HEATR4: variants seen among roughly 807,000 people sequenced by gnomAD.
HEATR4 encodes HEAT repeat-containing protein 4.
HEATR4 carries 95 observed loss-of-function variants against 108.8 expected under a neutral mutation model. The ratio of observed to expected loss-of-function variants is 0.87; its 90% CI spans 0.74 to 1.04. HEATR4 has a LOEUF of 1.04. HEATR4 is among the 50% of genes least tolerant of loss of function. The pLI is 0.00. For synonymous variants in HEATR4, 443 were observed against 459.4 expected, an observed-to-expected ratio of 0.96 and a Z score of 0.46; for missense variants, 1,152 against 1,253.8, an observed-to-expected ratio of 0.92 and a Z score of 1.23.
At chr14:73,593,843 T>G in the HEATR4 span, 2 of 1,614,110 alleles carry the variant, frequency 1.2e-6, no homozygotes. Context: ...CCCAATAACA[T>G]GGACAACATA....
intron 9 of HEATR4, among the ~76,000 whole-genome samples, chr14:73,506,804 G>GTTTTT (rs34660727): frequency 0.022 from 1,742 of 80,334 alleles, 325 homozygotes; most frequent in African/African-American, 0.076. Context: ...GACTTTAACT[G>GTTTTT]TTTTTTTTTT....
chr14:73,555,208 TAATA>T (rs1889377093), intron 1 of HEATR4, among the ~76,000 whole-genome samples: 1 of 111,022 alleles, frequency 9.0e-6, no homozygotes, highest in South Asian at 2.9e-4. Context: ...TCAAGGCATA[TAATA>T]ATCAAACTCT....
Position 73,553,638 on chromosome 14 carries a change from T to C in HEATR4, c.-152+5113A>G. Among the ~76,000 whole-genome samples the C allele has an allele frequency of 1.7e-5, 2 of 114,728 alleles. 1 individual carries two copies. The highest frequency in any genetic ancestry group is 2.0e-4 in the Admixed American group (2 of 10,228). 75.3% of individuals were successfully genotyped at this position (114,728 alleles called of 152,430 possible). Reference sequence around the variant, plus strand: ...ATAGGAGACTATTGTTTTGCTTTTTTTTTGTTTTGTTTTTGAGATAGAGTC... The same window carrying C: ...ATAGGAGACTATTGTTTTGCTTTTTCTTTGTTTTGTTTTTGAGATAGAGTC... On this transcript the variant is annotated intron_variant, in intron 1 of 17. Coordinates refer to ENST00000553558, the MANE Select transcript of HEATR4 (RefSeq NM_001220484.1).
At chr14:73,537,497 C>A in intron 1 of HEATR4, 1 of 1,219,226 alleles carries the variant, frequency 8.2e-7, no homozygotes, top group Non-Finnish European at 1.1e-6. Context: ...CGTGCGCGGC[C>A]TAGCCCCGGA....
chr14:73,598,124 A>C, the HEATR4 span, among the ~76,000 whole-genome samples: 2 of 149,242 alleles, frequency 1.3e-5, no homozygotes, highest in African/African-American at 4.9e-5. Context: ...CTGTAATCCC[A>C]GCACTTTGGG....
At chr14:73,490,727 T>C (rs1411705151) in intron 17 of HEATR4, among the ~76,000 whole-genome samples, 1 of 152,240 alleles carries the variant, frequency 6.6e-6, no homozygotes, top group Non-Finnish European at 1.5e-5. Flanking sequence ...AGTGCTAGGA[T>C]TACAGTCGTG....
chr14:73,629,860 G>A, the HEATR4 span, among the ~76,000 whole-genome samples: 65 of 151,762 alleles, frequency 4.3e-4, no homozygotes, highest in African/African-American at 1.4e-3. Context: ...TGTTAGCCAG[G>A]ATGGTTTGGA....
intron 9 of HEATR4, among the ~76,000 whole-genome samples, chr14:73,507,333 T>A (rs1290438368): frequency 6.6e-6 from 1 of 152,212 alleles, no homozygotes; most frequent in Non-Finnish European, 1.5e-5. Flanking sequence ...GTGACTTCCC[T>A]TTGTATACAC....
chr14:73,589,943 C>T, the HEATR4 span, among the ~76,000 whole-genome samples: 1 of 152,178 alleles, frequency 6.6e-6, no homozygotes, highest in South Asian at 2.1e-4. Flanking sequence ...TTCGTTCCTC[C>T]TGGTGAGTTC....
chr14:73,587,488 T>C, the HEATR4 span, among the ~76,000 whole-genome samples: 1 of 152,010 alleles, frequency 6.6e-6, no homozygotes, highest in East Asian at 1.9e-4. Context: ...GGGACATTGC[T>C]GGGACTACAG....
chr14:73,558,698 G>C (rs1349844283), intron 1 of HEATR4, 53 bp downstream of exon 1: 1 of 151,388 alleles, frequency 6.6e-6, no homozygotes, highest in Non-Finnish European at 1.5e-5. Flanking sequence ...GGCCCAGAGA[G>C]AAGAGAAATC....
chr14:73,524,441 T>C lies in HEATR4; in HGVS notation c.-72-1217A>G, dbSNP rs140265950. 5.6e-3 allele frequency among the ~76,000 whole-genome samples: 845 copies of C among 150,800 alleles called. 57 individuals carry two copies. The South Asian group carries it at 0.12, about 21-fold the overall frequency. On this transcript the variant is annotated intron_variant, in intron 2 of 17. Transcript: ENST00000553558. ...TAGCTAGCATGGCAAACACTGTAGATAACAAATGCTTAGATTTAATGTTAG... is the reference window on the plus strand; with the variant it reads ...TAGCTAGCATGGCAAACACTGTAGACAACAAATGCTTAGATTTAATGTTAG...
At chr14:73,612,783 G>T in the HEATR4 span, 1 of 1,362,476 alleles carries the variant, frequency 7.3e-7, no homozygotes, top group African/African-American at 1.5e-5. Context: ...CTGGGAGGCA[G>T]CTTCGCGGGG....
intron 17 of HEATR4, chr14:73,491,175 T>C (rs781164429): frequency 1.9e-6 from 3 of 1,601,192 alleles, no homozygotes; most frequent in African/African-American, 2.7e-5. Context: ...ATGGCAGCGC[T>C]GAGGACGCAG....
intron 17 of HEATR4, among the ~76,000 whole-genome samples, chr14:73,479,607 T>G (rs1885168037): frequency 6.6e-6 from 1 of 150,750 alleles, no homozygotes; most frequent in Non-Finnish European, 1.5e-5. Flanking sequence ...CCCTACTAAT[T>G]TTGTATTTTT....
upstream of HEATR4, among the ~76,000 whole-genome samples, chr14:73,560,478 C>G (rs536295672): frequency 6.6e-6 from 1 of 151,728 alleles, no homozygotes; most frequent in Non-Finnish European, 1.5e-5. Flanking sequence ...CTGGGTAACA[C>G]GGTGAAACCC....
the HEATR4 span, chr14:73,631,799 T>C: frequency 6.5e-6 from 1 of 154,764 alleles, no homozygotes; most frequent in African/African-American, 2.4e-5. Context: ...CACCTAGACA[T>C]GCATATCAGG....
chr14:73,537,351 A>C, intron 1 of HEATR4: 1 of 1,162,554 alleles, frequency 8.6e-7, no homozygotes, highest in Non-Finnish European at 1.1e-6. Context: ...CCCGAGAGGA[A>C]GAGTTGGGCA....
the HEATR4 span, among the ~76,000 whole-genome samples, chr14:73,590,075 TC>T: frequency 6.6e-6 from 1 of 152,200 alleles, no homozygotes; most frequent in Admixed American, 6.5e-5. Flanking sequence ...GAACAAACCT[TC>T]CCGCAACGTA....
Sources: allele counts gnomAD v4.1 joint callset (sites outside exome capture counted in the v4.1 genomes callset), GRCh38; gene constraint gnomAD v4.1.1; transcripts MANE v1.5; gene names NCBI Gene and HGNC (gene_info 2026-07-23, HGNC 2026-07-21).